Variants in SDK1 observed in about 807,000 individuals in gnomAD.
SDK1 encodes protein sidekick-1.
SDK1 carries 157 observed loss-of-function variants against 245.5 expected under a neutral mutation model. The observed-to-expected ratio is 0.64, with a 90% CI of 0.56 to 0.73. The LOEUF (loss-of-function observed/expected upper bound fraction) is 0.73, where lower values mean the gene tolerates loss of function less well. Among genes scored for constraint, SDK1 ranks in the 30% least tolerant of loss-of-function variants. The pLI, the probability that SDK1 is intolerant of heterozygous loss-of-function variation, is 0.00. For synonymous variants in SDK1, 1,647 were observed against 1,278.5 expected, an observed-to-expected ratio of 1.29 and a Z score of -6.15; for missense variants, 3,583 against 3,002.3, an observed-to-expected ratio of 1.19 and a Z score of -4.52.
intron 1 of SDK1, among the ~76,000 whole-genome samples, chr7:3,527,087 G>C (rs920493371): frequency 6.6e-6 from 1 of 152,044 alleles, no homozygotes; most frequent in African/African-American, 2.4e-5. Context: ...CTGCTATTTT[G>C]GCATTTATAG....
At chr7:3,975,890 GCTGCAAA>G (rs1488479244) in intron 13 of SDK1, among the ~76,000 whole-genome samples, 1 of 152,226 alleles carries the variant, frequency 6.6e-6, no homozygotes, top group African/African-American at 2.4e-5. Context: ...TGGTGCTGCA[GCTGCAAA>G]GCTGCCACGT....
chr7:4,169,851 A>G (rs1047896954), intron 32 of SDK1, among the ~76,000 whole-genome samples: 1 of 152,034 alleles, frequency 6.6e-6, no homozygotes, highest in Non-Finnish European at 1.5e-5. Context: ...CCTCCCTTAG[A>G]GCCACCTCTT....
intron 5 of SDK1, among the ~76,000 whole-genome samples, chr7:3,948,379 T>C (rs992809139): frequency 6.6e-6 from 1 of 151,084 alleles, no homozygotes; most frequent in Non-Finnish European, 1.5e-5. Flanking sequence ...TGCCTCAGTC[T>C]CCCGAGTAGC....
intron 11 of SDK1, among the ~76,000 whole-genome samples, chr7:3,970,319 C>T (rs1317630527): frequency 6.6e-6 from 1 of 152,100 alleles, no homozygotes; most frequent in Non-Finnish European, 1.5e-5. Context: ...TTGGTGTCCA[C>T]TTTGATAAAC....
At chr7:3,464,857 G>T (rs1047892826) in intron 1 of SDK1, among the ~76,000 whole-genome samples, 1 of 152,010 alleles carries the variant, frequency 6.6e-6, no homozygotes, top group African/African-American at 2.4e-5. Flanking sequence ...TTGTGACAAT[G>T]ATATTACATG....
chr7:3,780,502 C>T (rs990930327), intron 4 of SDK1, among the ~76,000 whole-genome samples: 1 of 152,178 alleles, frequency 6.6e-6, no homozygotes, highest in Admixed American at 6.5e-5. Flanking sequence ...CTTCATAACC[C>T]ACATTTAAAG....
intron 4 of SDK1, among the ~76,000 whole-genome samples, chr7:3,690,228 G>C (rs886688816): frequency 6.6e-6 from 1 of 152,264 alleles, no homozygotes; most frequent in Admixed American, 6.5e-5. Context: ...GGGCTTGCTA[G>C]TTGAATTTCC....
intron 1 of SDK1, among the ~76,000 whole-genome samples, chr7:3,426,423 T>A (rs1221493918): frequency 1.3e-5 from 2 of 152,206 alleles, no homozygotes; most frequent in Non-Finnish European, 2.9e-5. Context: ...ATTTACTAGC[T>A]GTGCCACCCT....
intron 1 of SDK1, among the ~76,000 whole-genome samples, chr7:3,520,662 T>G (rs916089790): frequency 7.7e-6 from 1 of 129,336 alleles, no homozygotes; most frequent in Admixed American, 7.9e-5. Flanking sequence ...AATCTTCTCC[T>G]TAAATAAAAA....
At chr7:3,367,454 G>C (rs184102925) in intron 1 of SDK1, among the ~76,000 whole-genome samples, 41 of 152,204 alleles carry the variant, frequency 2.7e-4, no homozygotes, top group Admixed American at 7.2e-4. Context: ...TCCTATTTTG[G>C]TTTCTTTCCT....
intron 1 of SDK1, among the ~76,000 whole-genome samples, chr7:3,367,166 T>A (rs1482243117): frequency 2.6e-5 from 4 of 151,804 alleles, no homozygotes; most frequent in Non-Finnish European, 5.9e-5. Flanking sequence ...TTTATTTATT[T>A]ATTTTTATTT....
At chr7:3,572,109 T>A (rs562850957) in intron 1 of SDK1, among the ~76,000 whole-genome samples, 1 of 152,196 alleles carries the variant, frequency 6.6e-6, no homozygotes, top group East Asian at 1.9e-4. Context: ...AAATGACTAG[T>A]ATATTTTATT....
intron 44 of SDK1, among the ~76,000 whole-genome samples, chr7:4,258,890 C>T (rs1485625700): frequency 1.3e-5 from 2 of 152,334 alleles, no homozygotes; most frequent in East Asian, 3.9e-4. Context: ...TCATTCGTTC[C>T]TAAATATTCT....
rs763388331 is a variant in SDK1 at position 3,985,407 on chromosome 7, T to C, written c.1995-1779T>C. Reference sequence around the variant, plus strand: ...CCGATTCAGATTGCAGCAGGGGGAATAGGAAATGGGGCTTGGGAGGAGTAG... The same window carrying C: ...CCGATTCAGATTGCAGCAGGGGGAACAGGAAATGGGGCTTGGGAGGAGTAG... On this transcript the variant is annotated intron_variant, in intron 13 of 44. Transcript: ENST00000404826. 3.9e-5 allele frequency among the ~76,000 whole-genome samples: 6 copies of C among 152,322 alleles called. 1 individual carries two copies. In the South Asian group the frequency reaches 8.3e-4, roughly 21 times the overall value.
rs955449938 is a variant in SDK1, at chr7:3,692,171, C to T, written c.713+50066C>T. Among the ~76,000 whole-genome samples the T allele has an allele frequency of 2.0e-5, 3 of 151,872 alleles. No individual in the cohort carries two copies. The South Asian group carries it at 6.3e-4, about 32-fold the overall frequency. ...GTAATTATGATTTCTGTTCAGAGAC[C>T]CAACATAATTTCAAGTTTCCATTTT... On this transcript the variant is annotated intron_variant, in intron 4 of 44. Transcript: ENST00000404826.
chr7:4,155,383 G>A (rs1780663206), intron 30 of SDK1, among the ~76,000 whole-genome samples: 3 of 152,180 alleles, frequency 2.0e-5, no homozygotes, highest in African/African-American at 7.2e-5. Flanking sequence ...TGGGAGCCAG[G>A]CTGATTTGTC....
intron 4 of SDK1, among the ~76,000 whole-genome samples, chr7:3,793,538 G>A (rs1405262674): frequency 1.3e-5 from 2 of 152,158 alleles, no homozygotes; most frequent in Non-Finnish European, 2.9e-5. Context: ...CTTTTAAGTG[G>A]ACCCGTGATC....
intron 4 of SDK1, among the ~76,000 whole-genome samples, chr7:3,790,812 A>G (rs1364955473): frequency 1.3e-5 from 2 of 152,090 alleles, no homozygotes; most frequent in African/African-American, 2.4e-5. Context: ...ACACACACAC[A>G]AAACCAAGTC....
At position 3,672,757 on chromosome 7, in the gene SDK1, TTTTA is replaced by T. The variant is rs1176054091; in HGVS notation, c.713+30654_713+30657del. ...TAATATATATTTTTATAATATATAA[TTTTA>T]TATATATATATATATATATATATAT... is the stretch of plus-strand genomic sequence containing the variant. On this transcript the variant is annotated intron_variant, in intron 4 of 44. Coordinates refer to ENST00000404826, the MANE Select transcript of SDK1 (RefSeq NM_152744.4). 2.0e-4 allele frequency among the ~76,000 whole-genome samples: 5 copies of T among 24,470 alleles called. 1 individual carries two copies. Among genetic ancestry groups the T allele is most frequent in the African/African-American group, 9.9e-4 (4 of 4,030 alleles). The allele number at this position is 24,470 out of a possible 152,430, so 16.1% of individuals were successfully genotyped here.
Sources: allele counts gnomAD v4.1 joint callset (sites outside exome capture counted in the v4.1 genomes callset), GRCh38; gene constraint gnomAD v4.1.1; transcripts MANE v1.5; gene names NCBI Gene and HGNC (gene_info 2026-07-23, HGNC 2026-07-21).